STARD13: variants seen among roughly 807,000 people sequenced by gnomAD.
STARD13 encodes stAR-related lipid transfer protein 13.
STARD13 carries 62 observed loss-of-function variants against 106.4 expected under a neutral mutation model. That is an observed-to-expected ratio of 0.58 (90% CI 0.48 to 0.72). The LOEUF (loss-of-function observed/expected upper bound fraction) is 0.72. Ranked by LOEUF, STARD13 falls within the 30% of genes least tolerant of loss-of-function variation. STARD13 has a pLI of 0.00. For synonymous variants in STARD13, 565 were observed against 553.0 expected (o/e 1.02, Z -0.31); for missense variants, 1,387 against 1,424.0 (o/e 0.97, Z 0.42).
At chr13:33,292,427 CAA>C (rs58278434) in intron 1 of STARD13, among the ~76,000 whole-genome samples, 3 of 113,120 alleles carry the variant, frequency 2.7e-5, no homozygotes, top group Non-Finnish European at 5.8e-5. Context: ...CCCATCTCTA[CAA>C]AAAAAAAAAA....
At chr13:33,155,697 CCTAT>C (rs1881868065) in intron 3 of STARD13, 1 of 151,966 alleles carries the variant, frequency 6.6e-6, no homozygotes, top group Non-Finnish European at 1.5e-5. Context: ...AGCAAAATCC[CCTAT>C]CTTTGAACCT....
intron 1 of STARD13, among the ~76,000 whole-genome samples, chr13:33,260,875 T>G (rs1457370408): frequency 1.3e-5 from 2 of 152,232 alleles, no homozygotes; most frequent in Non-Finnish European, 2.9e-5. Context: ...GGAAATCTGA[T>G]AAGTTCAAGA....
chr13:33,368,603 C>T, the STARD13 span, among the ~76,000 whole-genome samples: 1 of 152,186 alleles, frequency 6.6e-6, no homozygotes, highest in East Asian at 1.9e-4. Context: ...TACTGGACAT[C>T]TACTATATCC....
intron 1 of STARD13, among the ~76,000 whole-genome samples, chr13:33,293,747 G>A (rs910692008): frequency 1.3e-5 from 2 of 152,162 alleles, no homozygotes; most frequent in Non-Finnish European, 2.9e-5. Context: ...AAACGTGAAA[G>A]GAAAAGGCGA....
chr13:33,136,090 T>C (rs927759386), intron 4 of STARD13, among the ~76,000 whole-genome samples: 8 of 151,842 alleles, frequency 5.3e-5, no homozygotes, highest in Admixed American at 6.6e-5. Context: ...CACTGCACTG[T>C]AGCCTGGGTG....
At chr13:33,398,230 T>C in the STARD13 span, among the ~76,000 whole-genome samples, 1 of 152,236 alleles carries the variant, frequency 6.6e-6, no homozygotes, top group Non-Finnish European at 1.5e-5. Flanking sequence ...CTTAGGTCTG[T>C]GCTCTTGTAA....
chr13:33,341,952 G>A (rs943533154), intron 1 of STARD13, among the ~76,000 whole-genome samples: 3 of 151,858 alleles, frequency 2.0e-5, no homozygotes, highest in Non-Finnish European at 1.5e-5. Flanking sequence ...CACCATACCC[G>A]GCTAATTTTT....
chr13:33,204,046 G>T (rs1386962001), intron 1 of STARD13, among the ~76,000 whole-genome samples: 1 of 152,184 alleles, frequency 6.6e-6, no homozygotes, highest in South Asian at 2.1e-4. Context: ...CATAAAGGTA[G>T]TATCTGAAAT....
chr13:33,199,161 A>G (rs1288402716), intron 1 of STARD13, among the ~76,000 whole-genome samples: 1 of 152,244 alleles, frequency 6.6e-6, no homozygotes, highest in Non-Finnish European at 1.5e-5. Context: ...CACATTTCAT[A>G]TCATGCATAA....
the STARD13 span, among the ~76,000 whole-genome samples, chr13:33,569,269 T>C: frequency 6.8e-6 from 1 of 147,960 alleles, no homozygotes; most frequent in Non-Finnish European, 1.5e-5. Context: ...ACCTTGTTGA[T>C]AAAAATGTAG....
intron 3 of STARD13, among the ~76,000 whole-genome samples, chr13:33,161,252 G>C (rs961373722): frequency 6.6e-6 from 1 of 151,872 alleles, no homozygotes; most frequent in African/African-American, 2.4e-5. Flanking sequence ...TAGAGTTTGG[G>C]AGTAGGAGTA....
the STARD13 span, among the ~76,000 whole-genome samples, chr13:33,469,299 C>G: frequency 6.6e-6 from 1 of 152,076 alleles, no homozygotes; most frequent in African/African-American, 2.4e-5. Context: ...TTCCAATGTC[C>G]CATTCTTAAC....
chr13:33,668,883 A>G, the STARD13 span, among the ~76,000 whole-genome samples: 2 of 152,238 alleles, frequency 1.3e-5, no homozygotes, highest in Non-Finnish European at 2.9e-5. Context: ...AAAAATAGCA[A>G]TTAAAATTTT....
At chr13:33,124,503 A>C (rs1157990367) in intron 7 of STARD13, among the ~76,000 whole-genome samples, 9 of 152,200 alleles carry the variant, frequency 5.9e-5, no homozygotes, top group Non-Finnish European at 1.5e-5. Context: ...GATTTAAAAA[A>C]TTGACCTGAG....
chr13:33,495,794 A>G, the STARD13 span, among the ~76,000 whole-genome samples: 1 of 148,144 alleles, frequency 6.8e-6, no homozygotes, highest in Non-Finnish European at 1.5e-5. Context: ...GACAAGTATT[A>G]TAATATAATC....
the STARD13 span, among the ~76,000 whole-genome samples, chr13:33,546,649 A>AT: frequency 7.1e-6 from 1 of 141,604 alleles, no homozygotes; most frequent in Admixed American, 7.1e-5. Flanking sequence ...TTGTCGTATT[A>AT]ATTTTTTTTT....
the STARD13 span, among the ~76,000 whole-genome samples, chr13:33,422,557 T>C: frequency 6.6e-6 from 1 of 152,274 alleles, no homozygotes; most frequent in East Asian, 1.9e-4. Context: ...CCCATCAAAC[T>C]ACCAATGACT....
chr13:33,345,622 T>C (rs1317629751), downstream of STARD13, among the ~76,000 whole-genome samples: 1 of 152,178 alleles, frequency 6.6e-6, no homozygotes, highest in African/African-American at 2.4e-5. Flanking sequence ...GAAGTATGCA[T>C]GGACAACAAT....
In STARD13 at chr13:33,158,013, T is replaced by C. The variant is rs114087899; in HGVS notation, c.323+7324A>G. On this transcript the variant is annotated intron_variant, in intron 3 of 13. Transcript: ENST00000336934. ...CATCAGAATACAATTACAATTGTGG[T>C]TGTTACATTAATAAAAAGTGCACTT... Among the ~76,000 whole-genome samples the C allele has an allele frequency of 6.2e-3, 938 of 152,300 alleles. 15 individuals are homozygous for C. Among genetic ancestry groups the C allele is most frequent in the African/African-American group, 0.021 (860 of 41,550 alleles).
Sources: allele counts gnomAD v4.1 joint callset (sites outside exome capture counted in the v4.1 genomes callset), GRCh38; gene constraint gnomAD v4.1.1; transcripts MANE v1.5; gene names NCBI Gene and HGNC (gene_info 2026-07-23, HGNC 2026-07-21).